PCDHGA8: variants seen among roughly 807,000 people sequenced by gnomAD.
PCDHGA8 encodes the protein protocadherin gamma-A8.
In PCDHGA8, 45 loss-of-function variants were observed where a neutral mutation model predicts 59.2. The ratio of observed to expected loss-of-function variants is 0.76; its 90% CI spans 0.60 to 0.98. The LOEUF (loss-of-function observed/expected upper bound fraction) is 0.98. Among genes scored for constraint, PCDHGA8 ranks in the 50% least tolerant of loss-of-function variants. The pLI is 0.00. For synonymous variants in PCDHGA8, 531 were observed against 519.0 expected (o/e 1.02, Z -0.32); for missense variants, 1,257 against 1,196.2 (o/e 1.05, Z -0.75).
chr5:141,504,941 T>G (rs2099842166), intron 2 of PCDHGA8, among the ~76,000 whole-genome samples: 1 of 152,046 alleles, frequency 6.6e-6, no homozygotes, highest in East Asian at 1.9e-4. Flanking sequence ...GGTGGGGGAA[T>G]GCACTATGTT....
At chr5:141,479,685 G>A (rs749895405) in intron 1 of PCDHGA8, 3 of 152,248 alleles carry the variant, frequency 2.0e-5, no homozygotes, top group Non-Finnish European at 4.4e-5. Flanking sequence ...AGTCTTTTTG[G>A]TGCCTCCAGT....
chr5:141,403,688 A>T (rs1385402830), intron 1 of PCDHGA8: 1 of 1,613,836 alleles, frequency 6.2e-7, no homozygotes, highest in Non-Finnish European at 8.5e-7. Flanking sequence ...TGCTCAACGG[A>T]TTTACCGAGT....
At chr5:141,418,641 T>C in intron 1 of PCDHGA8, 3 of 1,614,028 alleles carry the variant, frequency 1.9e-6, no homozygotes, top group Non-Finnish European at 2.5e-6. Flanking sequence ...GGCACCTCCA[T>C]CCTGAGAGTG....
intron 1 of PCDHGA8, among the ~76,000 whole-genome samples, chr5:141,482,757 T>G: frequency 7.9e-6 from 1 of 127,194 alleles, no homozygotes; most frequent in Admixed American, 7.7e-5. Flanking sequence ...GATTATGGTA[T>G]TTCATTATCA....
At chr5:141,417,993 C>A in intron 1 of PCDHGA8, 1 of 1,613,830 alleles carries the variant, frequency 6.2e-7, no homozygotes, top group Non-Finnish European at 8.5e-7. Flanking sequence ...GCCAAGGGCT[C>A]GGTGGTGGGG....
intron 1 of PCDHGA8, chr5:141,427,988 T>C (rs555561265): frequency 6.3e-7 from 1 of 1,598,504 alleles, no homozygotes; most frequent in South Asian, 1.1e-5. Context: ...TGGGGCCCGA[T>C]GGCTCCGCAC....
In PCDHGA8 at chr5:141,491,848, C is replaced by A; in HGVS notation, c.2425-2959C>A. 1 of 1,461,478 alleles carries A rather than the reference C, an allele frequency of 6.8e-7. No homozygotes were observed. Among genetic ancestry groups the A allele is most frequent in the Non-Finnish European group, 9.1e-7 (1 of 1,104,578 alleles). The allele number at this position is 1,461,478 out of a possible 1,614,324, so 90.5% of individuals were successfully genotyped here. A position where few individuals can be genotyped will look rare whatever the true frequency, so the allele number is the denominator to read the frequency against. On this transcript the variant is annotated intron_variant, in intron 1 of 3. Transcript: ENST00000398604. This position sits in a 1 kb window ranked among gnomAD's most constrained non-coding sequence, Gnocchi z 6.9. ...CACCCGATTCTCGGGATCATTGGAC[C>A]GTTTGCGCGAAACCAGAGTGGCCGA...
chr5:141,400,728 T>G (rs1293655070), intron 1 of PCDHGA8: 2 of 648,072 alleles, frequency 3.1e-6, no homozygotes, highest in Non-Finnish European at 5.2e-6. Flanking sequence ...ATTTACAAAG[T>G]AGTGAGAGTT....
chr5:141,482,248 C>G (rs1056466272), intron 1 of PCDHGA8, among the ~76,000 whole-genome samples: 1 of 152,084 alleles, frequency 6.6e-6, no homozygotes, highest in African/African-American at 2.4e-5. Context: ...AAGTATAGTA[C>G]TGTACATATT....
chr5:141,428,495 T>C (rs1023405537), intron 1 of PCDHGA8: 3 of 295,346 alleles, frequency 1.0e-5, no homozygotes, highest in African/African-American at 6.5e-5. Flanking sequence ...AATCTGTATG[T>C]TCCCTCGGAT....
chr5:141,500,062 TAA>T (rs1314388217), intron 2 of PCDHGA8, among the ~76,000 whole-genome samples: 1 of 152,144 alleles, frequency 6.6e-6, no homozygotes, highest in East Asian at 1.9e-4. Flanking sequence ...TCTTTTAATG[TAA>T]AAGACTTCCC....
At chr5:141,424,776 A>C (rs1406581367) in intron 1 of PCDHGA8, 2 of 152,154 alleles carry the variant, frequency 1.3e-5, no homozygotes, top group African/African-American at 4.8e-5. Context: ...CAAATAGTAC[A>C]TTCAGTTCTT....
At position 141,511,482 on chromosome 5, in the gene PCDHGA8, C is replaced by A. The variant is rs761434245; in HGVS notation, c.*309C>A. ...CACACCCCGTTTAGTTACAGCTGAA[C>A]TCCTCCATCTTCCAAATCAATCAGG... On this transcript the variant is annotated 3_prime_UTR_variant, in exon 4 of 4. Coordinates refer to ENST00000398604, the MANE Select transcript of PCDHGA8 (RefSeq NM_032088.2). The A allele has an allele frequency of 2.4e-4, 113 of 464,462 alleles. No homozygotes were observed. Among genetic ancestry groups the A allele is most frequent in the Non-Finnish European group, 4.0e-4 (105 of 260,154 alleles). The allele number at this position is 464,462 out of a possible 1,614,324, so 28.8% of individuals were successfully genotyped here. A position where few individuals can be genotyped will look rare whatever the true frequency, so the allele number is the denominator to read the frequency against.
rs2099624499 is a variant in PCDHGA8, at chr5:141,486,100, C to A, written c.2425-8707C>A. The A allele has an allele frequency of 6.2e-7, 1 of 1,614,072 alleles. No homozygotes were observed. The highest frequency in any genetic ancestry group is 1.3e-5 in the African/African-American group (1 of 74,930). ...AGCTTACTCTTTTGGGGCCCCTAGA[C>A]TTTGAGAGTGAGAATTACTATGAAT... On this transcript the variant is annotated intron_variant, in intron 1 of 3. Coordinates refer to ENST00000398604, the MANE Select transcript of PCDHGA8 (RefSeq NM_032088.2). This position sits in a 1 kb window ranked among gnomAD's most constrained non-coding sequence, Gnocchi z 5.0.
intron 1 of PCDHGA8, chr5:141,411,352 C>T (rs1002274073): frequency 2.6e-5 from 4 of 152,176 alleles, no homozygotes; most frequent in African/African-American, 9.7e-5. Flanking sequence ...GAAAGTATCA[C>T]TTGAGCCCAA....
intron 1 of PCDHGA8, chr5:141,422,075 G>A (rs1192481253): frequency 1.9e-6 from 3 of 1,612,092 alleles, no homozygotes; most frequent in East Asian, 2.2e-5. Flanking sequence ...TATTCATTTC[G>A]GAACATGGAA....
chr5:141,462,414 T>C (rs549473269), intron 1 of PCDHGA8, among the ~76,000 whole-genome samples: 1 of 152,360 alleles, frequency 6.6e-6, no homozygotes, highest in Non-Finnish European at 1.5e-5. Flanking sequence ...CAGAATATGG[T>C]CTATCTTGGT....
intron 1 of PCDHGA8, among the ~76,000 whole-genome samples, chr5:141,407,512 T>C (rs910710605): frequency 6.6e-6 from 1 of 152,192 alleles, no homozygotes; most frequent in East Asian, 1.9e-4. Context: ...TCTTAGGCTA[T>C]GTAGGACTTA....
chr5:141,427,320 G>A (rs920149276), intron 1 of PCDHGA8: 5 of 456,968 alleles, frequency 1.1e-5, no homozygotes, highest in Non-Finnish European at 1.8e-5. Context: ...CCCAGACGTG[G>A]TTTTTACTTC....
Sources: allele counts gnomAD v4.1 joint callset (sites outside exome capture counted in the v4.1 genomes callset), GRCh38; gene constraint gnomAD v4.1.1; non-coding constraint Gnocchi (gnomAD v3.1); transcripts MANE v1.5; gene names NCBI Gene and HGNC (gene_info 2026-07-23, HGNC 2026-07-21).